RBFOX1: variants seen among roughly 807,000 people sequenced by gnomAD.
RBFOX1 encodes RNA binding fox-1 homolog 1.
RBFOX1 carries 8 observed loss-of-function variants against 57.7 expected under a neutral mutation model. That is an observed-to-expected ratio of 0.14 (90% CI 0.08 to 0.25). The LOEUF (loss-of-function observed/expected upper bound fraction) is 0.25, where lower values mean the gene tolerates loss of function less well. Among genes scored for constraint, RBFOX1 ranks in the 10% least tolerant of loss-of-function variants. RBFOX1 has a pLI of 1.00. For synonymous variants in RBFOX1, 326 were observed against 222.4 expected, an observed-to-expected ratio of 1.47 and a Z score of -4.15; for missense variants, 611 against 548.5, an observed-to-expected ratio of 1.11 and a Z score of -1.14.
intron 4 of RBFOX1, among the ~76,000 whole-genome samples, chr16:5,899,336 T>C (rs967090384): frequency 1.3e-5 from 2 of 152,092 alleles, no homozygotes; most frequent in Admixed American, 6.5e-5. Flanking sequence ...GAGCCTGTCA[T>C]GCAGAAGCTG....
intron 3 of RBFOX1, among the ~76,000 whole-genome samples, chr16:5,777,158 A>G (rs9926811): frequency 0.25 from 38,531 of 152,034 alleles, 5,724 homozygotes; most frequent in East Asian, 0.56. Flanking sequence ...AAGTCCCAAA[A>G]TCAGCAAGGT....
At chr16:6,141,616 C>G (rs975741993) in intron 1 of RBFOX1, among the ~76,000 whole-genome samples, 3 of 152,148 alleles carry the variant, frequency 2.0e-5, no homozygotes, top group African/African-American at 7.2e-5. Context: ...TTATTTCACT[C>G]CCAAATATTT....
intron 3 of RBFOX1, among the ~76,000 whole-genome samples, chr16:6,737,018 A>C (rs920017338): frequency 6.6e-6 from 1 of 152,218 alleles, no homozygotes; most frequent in African/African-American, 2.4e-5. Flanking sequence ...GTCTGAAAAG[A>C]GGAGCCTCAT....
chr16:7,574,684 T>C (rs2093149930), intron 5 of RBFOX1, among the ~76,000 whole-genome samples: 1 of 152,078 alleles, frequency 6.6e-6, no homozygotes, highest in Non-Finnish European at 1.5e-5. Context: ...TGAGGGTGGG[T>C]TGGCCAGTCC....
At chr16:6,346,072 G>A (rs974217288) in intron 2 of RBFOX1, among the ~76,000 whole-genome samples, 2 of 152,260 alleles carry the variant, frequency 1.3e-5, no homozygotes, top group East Asian at 3.9e-4. Context: ...ATCTCAGTGA[G>A]CAGAGGGATG....
intron 1 of RBFOX1, among the ~76,000 whole-genome samples, chr16:6,210,694 G>T (rs1339917186): frequency 6.6e-6 from 1 of 151,910 alleles, no homozygotes; most frequent in Non-Finnish European, 1.5e-5. Flanking sequence ...CTGCACTCCA[G>T]TGCCTGGGTG....
At chr16:6,089,131 A>G (rs2096133753) in intron 1 of RBFOX1, among the ~76,000 whole-genome samples, 1 of 151,568 alleles carries the variant, frequency 6.6e-6, no homozygotes, top group African/African-American at 2.4e-5. Context: ...AAGAGTAATG[A>G]TGGGGAAGGA....
intron 3 of RBFOX1, among the ~76,000 whole-genome samples, chr16:5,791,467 G>C (rs2054694986): frequency 6.6e-6 from 1 of 152,098 alleles, no homozygotes; most frequent in South Asian, 2.1e-4. Context: ...CTGGGATCTT[G>C]GCCAGGAGGG....
chr16:6,685,479 G>A (rs1381142134), intron 3 of RBFOX1, among the ~76,000 whole-genome samples: 1 of 142,700 alleles, frequency 7.0e-6, no homozygotes, highest in African/African-American at 2.5e-5. Flanking sequence ...GTAGAGACAG[G>A]ATTTTGCCGT....
intron 10 of RBFOX1, among the ~76,000 whole-genome samples, chr16:7,615,227 GGAGGCT>G (rs1236798926): frequency 6.6e-6 from 1 of 152,148 alleles, no homozygotes; most frequent in Non-Finnish European, 1.5e-5. Flanking sequence ...CAGCTACTGG[GGAGGCT>G]GAGGCAGGAG....
At chr16:6,293,480 G>C (rs2077689631) in intron 1 of RBFOX1, among the ~76,000 whole-genome samples, 1 of 152,022 alleles carries the variant, frequency 6.6e-6, no homozygotes, top group Non-Finnish European at 1.5e-5. Flanking sequence ...TGCATAGCCT[G>C]TCTGCCAGGT....
At chr16:7,583,857 A>C (rs555172186) in intron 6 of RBFOX1, among the ~76,000 whole-genome samples, 1 of 152,104 alleles carries the variant, frequency 6.6e-6, no homozygotes, top group Non-Finnish European at 1.5e-5. Flanking sequence ...AACAAAATAT[A>C]GGTCCTCTGG....
chr16:6,996,363 G>T (rs1053052558), intron 3 of RBFOX1, among the ~76,000 whole-genome samples: 4 of 152,060 alleles, frequency 2.6e-5, no homozygotes, highest in Non-Finnish European at 5.9e-5. Flanking sequence ...GTGGTTTTGT[G>T]CATGTGTGTG....
At chr16:6,819,397 G>T (rs1387137790) in intron 3 of RBFOX1, among the ~76,000 whole-genome samples, 2 of 152,136 alleles carry the variant, frequency 1.3e-5, no homozygotes, top group Admixed American at 6.6e-5. Flanking sequence ...TAGAGTTTAA[G>T]TTGCAAAAGG....
chr16:6,764,859 C>T (rs906464789), intron 3 of RBFOX1, among the ~76,000 whole-genome samples: 1 of 152,036 alleles, frequency 6.6e-6, no homozygotes, highest in Non-Finnish European at 1.5e-5. Context: ...ATCTCTTGAA[C>T]CCAGAAGGTG....
At chr16:6,995,277 T>G (rs2092079917) in intron 3 of RBFOX1, among the ~76,000 whole-genome samples, 1 of 143,304 alleles carries the variant, frequency 7.0e-6, no homozygotes, top group African/African-American at 2.6e-5. Flanking sequence ...ATGACTATGA[T>G]CTGAAAGTAG....
At chr16:7,673,809 T>G (rs2072387464) in intron 13 of RBFOX1, among the ~76,000 whole-genome samples, 1 of 152,194 alleles carries the variant, frequency 6.6e-6, no homozygotes, top group African/African-American at 2.4e-5. Context: ...GTAGAACTAT[T>G]TTGTGTTTGT....
chr16:6,486,434 T>A (rs2095483657), intron 2 of RBFOX1, among the ~76,000 whole-genome samples: 1 of 152,114 alleles, frequency 6.6e-6, no homozygotes, highest in Non-Finnish European at 1.5e-5. Flanking sequence ...AATAATAAAA[T>A]GATTATTATT....
At chr16:6,056,429 T>A (rs545178089) in intron 1 of RBFOX1, among the ~76,000 whole-genome samples, 67 of 152,330 alleles carry the variant, frequency 4.4e-4, no homozygotes, top group African/African-American at 1.6e-3. Context: ...TTTCTTCCCC[T>A]ACCCCTTTTC....
Sources: allele counts gnomAD v4.1 joint callset (sites outside exome capture counted in the v4.1 genomes callset), GRCh38; gene constraint gnomAD v4.1.1; transcripts MANE v1.5; gene names NCBI Gene and HGNC (gene_info 2026-07-23, HGNC 2026-07-21).